MAST1: variants seen among roughly 807,000 people sequenced by gnomAD.
The protein encoded by MAST1 is microtubule-associated serine/threonine-protein kinase 1.
MAST1 carries 40 observed loss-of-function variants against 124.6 expected under a neutral mutation model. The observed-to-expected ratio is 0.32, with a 90% CI of 0.25 to 0.42. The LOEUF (loss-of-function observed/expected upper bound fraction) is 0.42, where lower values mean the gene tolerates loss of function less well. Among genes scored for constraint, MAST1 ranks in the 10% least tolerant of loss-of-function variants. The probability of loss-of-function intolerance (pLI) is 1.00; values close to 1 mark genes in which losing one functional copy is unlikely to be tolerated. For missense variants in MAST1, 1,558 were observed against 2,181.9 expected, an observed-to-expected ratio of 0.71 and a Z score of 5.70; for synonymous variants, 938 against 939.4, an observed-to-expected ratio of 1.00 and a Z score of 0.03.
chr19:12,874,923 A>AT lies in MAST1; in HGVS notation c.*54dup. The AT allele has an allele frequency of 6.5e-7, 1 of 1,539,594 alleles. No individual in the cohort carries two copies. The highest frequency in any genetic ancestry group is 8.7e-7 in the Non-Finnish European group (1 of 1,145,510). On this transcript the variant is annotated 3_prime_UTR_variant, in exon 26 of 26. Coordinates refer to ENST00000251472, the MANE Select transcript of MAST1 (RefSeq NM_014975.3). The surrounding 1 kb of genome is among the most constrained non-coding windows in gnomAD (Gnocchi z 6.6). ...ACAGCCTCCGTATACATATGTACACATATAAATAAAGTGCGTCCGTGCTGC... is the reference window on the plus strand; with the variant it reads ...ACAGCCTCCGTATACATATGTACACATTATAAATAAAGTGCGTCCGTGCTGC...
At position 12,840,971 on chromosome 19, in the gene MAST1, G is replaced by T. The variant is rs1969819100; in HGVS notation, c.173-20G>T. The T allele has an allele frequency of 1.1e-6, 1 of 925,492 alleles. No individual in the cohort carries two copies. Among genetic ancestry groups the T allele is most frequent in the South Asian group, 1.3e-5 (1 of 77,530 alleles). 57.3% of individuals were successfully genotyped at this position (925,492 alleles called of 1,614,324 possible). A position where few individuals can be genotyped will look rare whatever the true frequency, so the allele number is the denominator to read the frequency against. Reference sequence around the variant, plus strand: ...GGGAACGAGAGACCTGACAGGATTTGCCCCCTCTTTCTCTCATAGGCAGCA... The same window carrying T: ...GGGAACGAGAGACCTGACAGGATTTTCCCCCTCTTTCTCTCATAGGCAGCA... On this transcript the variant is annotated intron_variant, in intron 2 of 25. Transcript: ENST00000251472.
At chr19:12,858,832 A>G in intron 12 of MAST1, 93 bp downstream of exon 12, 1 of 1,202,618 alleles carries the variant, frequency 8.3e-7, no homozygotes, top group Non-Finnish European at 1.2e-6. Context: ...CTCCATATTG[A>G]TTAGTCGGCC....
intron 7 of MAST1, chr19:12,849,065 T>C (rs1021024204): frequency 2.0e-5 from 3 of 152,342 alleles, no homozygotes; most frequent in Non-Finnish European, 2.9e-5. Context: ...TCCATCATAC[T>C]GTGTATTTTT....
At chr19:12,871,733 TAGAG>T (rs1201889117) in intron 24 of MAST1, among the ~76,000 whole-genome samples, 1 of 151,438 alleles carries the variant, frequency 6.6e-6, no homozygotes, top group Non-Finnish European at 1.5e-5. Flanking sequence ...AGGGGCAACA[TAGAG>T]AGACCCCATC....
intron 4 of MAST1, among the ~76,000 whole-genome samples, chr19:12,846,500 T>C (rs1235411468): frequency 6.6e-6 from 1 of 151,776 alleles, no homozygotes; most frequent in Non-Finnish European, 1.5e-5. Context: ...GAGGGATCCA[T>C]AGTAGATGTG....
At chr19:12,845,495 G>C (rs962264575) in intron 4 of MAST1, among the ~76,000 whole-genome samples, 16 of 148,352 alleles carry the variant, frequency 1.1e-4, no homozygotes, top group Non-Finnish European at 2.1e-4. Context: ...GAGATGGAAA[G>C]ATTGCTCGAG....
chr19:12,856,052 T>C (rs1466609605), intron 10 of MAST1, among the ~76,000 whole-genome samples: 2 of 151,946 alleles, frequency 1.3e-5, no homozygotes, highest in African/African-American at 4.8e-5. Flanking sequence ...ATAAGATACC[T>C]CTTACACTCT....
chr19:12,874,584 G>A lies in MAST1; in HGVS notation c.4427G>A (p.Gly1476Asp). The change falls in exon 26 of 26, where the codon GGC (glycine) becomes GAC (aspartate). Residue 1476 changes from glycine to aspartate, a missense_variant. Physicochemically the swap from Gly to Asp is moderately conservative, Grantham distance 94. Coordinates refer to ENST00000251472, the MANE Select transcript of MAST1 (RefSeq NM_014975.3). The surrounding 1 kb of genome is among the most constrained non-coding windows in gnomAD (Gnocchi z 6.6). Reference protein sequence around the residue: ...LAPSVPEAPRGRERWVLEVVE... With the variant: ...LAPSVPEAPRDRERWVLEVVE... ...CCTTCCGTGCCCGAGGCCCCCCGGG[G>A]CCGGGAGCGCTGGGTGTTGGAGGTG... is the stretch of plus-strand genomic sequence containing the variant. 4.0e-6 allele frequency: 6 copies of A among 1,507,320 alleles called. No homozygotes were observed. The highest frequency in any genetic ancestry group is 5.3e-6 in the Non-Finnish European group (6 of 1,129,946). 93.4% of individuals were successfully genotyped at this position (1,507,320 alleles called of 1,614,324 possible).
At chr19:12,849,589 G>A (rs1228271600) in intron 7 of MAST1, among the ~76,000 whole-genome samples, 1 of 151,718 alleles carries the variant, frequency 6.6e-6, no homozygotes, top group African/African-American at 2.4e-5. Flanking sequence ...GCTTGAATCC[G>A]GGAGGCAGTG....
intron 10 of MAST1, among the ~76,000 whole-genome samples, chr19:12,855,000 G>T (rs1011138960): frequency 2.0e-5 from 3 of 152,136 alleles, no homozygotes; most frequent in African/African-American, 7.2e-5. Flanking sequence ...AGAGACTGCG[G>T]CGGGTGGATC....
At chr19:12,870,492 C>CA (rs36022150) in intron 22 of MAST1, among the ~76,000 whole-genome samples, 17,190 of 75,642 alleles carry the variant, frequency 0.23, 2,025 homozygotes, top group East Asian at 0.6. Flanking sequence ...GACTCCGTCT[C>CA]AAAAAAAAAA....
At position 12,871,018 on chromosome 19, in the gene MAST1, C is replaced by T; in HGVS notation, c.3127-18C>T. The T allele has an allele frequency of 6.2e-7, 1 of 1,614,114 alleles. No homozygotes were observed. On this transcript the variant is annotated intron_variant, in intron 23 of 25. Coordinates refer to ENST00000251472, the MANE Select transcript of MAST1 (RefSeq NM_014975.3). Reference sequence around the variant, plus strand: ...TGAGCAGCCCCTAGCAGAGCATTTTCCCGCATTCTTCCCCCAGAGTGGCAA... The same window carrying T: ...TGAGCAGCCCCTAGCAGAGCATTTTTCCGCATTCTTCCCCCAGAGTGGCAA...
chr19:12,858,347 A>G lies in MAST1; in HGVS notation c.1078-15A>G. The G allele has an allele frequency of 1.2e-6, 2 of 1,611,552 alleles. No homozygotes were observed. Among genetic ancestry groups the G allele is most frequent in the Non-Finnish European group, 1.7e-6 (2 of 1,178,376 alleles). ...TGATGATGATGGTGGTGTGGTCTCC[A>G]TCTTTTTCCTGAAGGGCCGCAGCAG... On this transcript the variant is annotated splice_polypyrimidine_tract_variant and intron_variant, in intron 10 of 25. Transcript: ENST00000251472.
rs764013299 is a variant in MAST1, at chr19:12,873,372, G to A, written c.3312G>A (p.Leu1104=). ...GGAAGATCACGAAGCAGTCGAACCTGCTGCATACTAGCCGCTCGCTGTCGT... is the reference window on the plus strand; with the variant it reads ...GGAAGATCACGAAGCAGTCGAACCTACTGCATACTAGCCGCTCGCTGTCGT... ...LFRKITKQSN[L]LHTSRSLSSL... The change falls in exon 25 of 26, where the codon CTG becomes CTA. Residue 1104 remains leucine (L), a synonymous_variant. Transcript: ENST00000251472. 6.2e-7 allele frequency: 1 copy of A among 1,614,070 alleles called. No homozygotes were observed. The highest frequency in any genetic ancestry group is 8.5e-7 in the Non-Finnish European group (1 of 1,179,994).
In MAST1 at chr19:12,847,156, T is replaced by C. The variant is rs1220148787; in HGVS notation, c.328-134T>C. On this transcript the variant is annotated intron_variant, in intron 4 of 25. Transcript: ENST00000251472. The surrounding 1 kb of genome is among the most constrained non-coding windows in gnomAD (Gnocchi z 5.5). ...AAGAGTCCCAGCCAAGATCCTAGGA[T>C]CCAAGGATCGTAAATCAGGTCCTGA... 1.5e-6 allele frequency: 1 copy of C among 651,230 alleles called. No individual in the cohort carries two copies. Among genetic ancestry groups the C allele is most frequent in the Admixed American group, 2.6e-5 (1 of 39,210 alleles). 40.3% of individuals were successfully genotyped at this position (651,230 alleles called of 1,614,324 possible).
Position 12,874,476 on chromosome 19 carries a change from C to A in MAST1, c.4319C>A (p.Pro1440His). 2 of 1,578,214 alleles carry A rather than the reference C, an allele frequency of 1.3e-6. No individual in the cohort carries two copies. The highest frequency in any genetic ancestry group is 1.7e-5 in the Admixed American group (1 of 57,818). ...GTPLVPIVVEPARPGAKAVVP... is the reference protein window; with the variant it reads ...GTPLVPIVVEHARPGAKAVVP... ...CCCCTGGTACCCATTGTCGTAGAGC[C>A]TGCGCGGCCCGGGGCTAAGGCTGTG... is the stretch of plus-strand genomic sequence containing the variant. Residue 1440 changes from proline to histidine, a missense_variant, in exon 26 of 26, where the codon CCT becomes CAT. Transcript: ENST00000251472. The surrounding 1 kb of genome is among the most constrained non-coding windows in gnomAD (Gnocchi z 6.6).
intron 10 of MAST1, 39 bp downstream of exon 10, chr19:12,852,434 T>C: frequency 7.1e-7 from 1 of 1,403,324 alleles, no homozygotes; most frequent in Non-Finnish European, 1.0e-6. Context: ...CCCTGGTTCC[T>C]GGGAGGGCAG....
intron 7 of MAST1, among the ~76,000 whole-genome samples, chr19:12,850,900 C>T (rs937334340): frequency 1.3e-5 from 2 of 151,132 alleles, no homozygotes; most frequent in Non-Finnish European, 2.9e-5. Context: ...AGATTTTTGG[C>T]ATTAATTTTA....
Position 12,849,371 on chromosome 19 carries a change from T to C in MAST1, c.774+1314T>C, listed in dbSNP as rs148974455. On this transcript the variant is annotated intron_variant, in intron 7 of 25. Transcript: ENST00000251472. ...GCAGGACCCCATCTCTAAAACAATT[T>C]AAAAAATTTAAGCCAGGCGAGGTTG... Among the ~76,000 whole-genome samples, 1,135 of 152,134 alleles carry C rather than the reference T, an allele frequency of 7.5e-3. 8 individuals are homozygous for C. Among genetic ancestry groups the C allele is most frequent in the Non-Finnish European group, 0.012 (799 of 67,998 alleles).
Sources: allele counts gnomAD v4.1 joint callset (sites outside exome capture counted in the v4.1 genomes callset), GRCh38; gene constraint gnomAD v4.1.1; non-coding constraint Gnocchi (gnomAD v3.1); transcripts MANE v1.5; gene names NCBI Gene and HGNC (gene_info 2026-07-23, HGNC 2026-07-21).